Variants in PDIA4 observed in about 807,000 individuals in gnomAD.
PDIA4 encodes protein disulfide isomerase family A member 4, also known as protein disulfide-isomerase A4.
PDIA4 carries 33 observed loss-of-function variants against 62.1 expected under a neutral mutation model. That is an observed-to-expected ratio of 0.53 (90% CI 0.40 to 0.71). The LOEUF (loss-of-function observed/expected upper bound fraction) is 0.71, where lower values mean the gene tolerates loss of function less well. Ranked by LOEUF, PDIA4 falls within the 30% of genes least tolerant of loss-of-function variation. PDIA4 has a pLI of 0.00. For synonymous variants in PDIA4, 341 were observed against 324.1 expected (o/e 1.05, Z -0.56); for missense variants, 804 against 813.6 (o/e 0.99, Z 0.14).
At chr7:149,021,531 C>CA (rs1167317702) in intron 1 of PDIA4, among the ~76,000 whole-genome samples, 1 of 148,350 alleles carries the variant, frequency 6.7e-6, no homozygotes, top group Non-Finnish European at 1.5e-5. Context: ...AATTCATACA[C>CA]TTCAGAATGT....
At position 149,005,168 on chromosome 7, in the gene PDIA4, G is replaced by A. The variant is rs149417686; in HGVS notation, c.1495C>T (p.Arg499Cys). 95 of 1,613,534 alleles carry A rather than the reference G, an allele frequency of 5.9e-5. No homozygotes were observed. Among genetic ancestry groups the A allele is most frequent in the Non-Finnish European group, 7.0e-5 (82 of 1,179,634 alleles). ...EPEEFDSDTLREFVTAFKKGK... is the reference protein window; with the variant it reads ...EPEEFDSDTLCEFVTAFKKGK... ...TTTTTGAAAGCAGTGACAAACTCGCGGAGGGTGTCAGAGTCAAACTCCTCT... is the reference window on the plus strand; with the variant it reads ...TTTTTGAAAGCAGTGACAAACTCGCAGAGGGTGTCAGAGTCAAACTCCTCT... The change falls in exon 9 of 10, where the codon CGC becomes TGC. Residue 499 changes from arginine (R) to cysteine (C), a missense_variant. By Grantham distance (180) the Arg-to-Cys change is radical. Coordinates refer to ENST00000652332, the MANE Select transcript of PDIA4 (RefSeq NM_004911.5).
At chr7:149,027,963 G>T (rs1445350151) in intron 1 of PDIA4, 2 of 510,212 alleles carry the variant, frequency 3.9e-6, no homozygotes, top group Non-Finnish European at 7.9e-6. Context: ...GGGCGCGTTC[G>T]CCTGGAGTTA....
intron 3 of PDIA4, among the ~76,000 whole-genome samples, chr7:149,018,709 G>A (rs10233535): frequency 0.014 from 2,190 of 152,032 alleles, 51 homozygotes; most frequent in African/African-American, 0.05. Context: ...TGGGGTTACA[G>A]GTGTGAGCCA....
intron 1 of PDIA4, among the ~76,000 whole-genome samples, chr7:149,025,262 C>T (rs1224475973): frequency 1.3e-5 from 2 of 151,982 alleles, no homozygotes; most frequent in Non-Finnish European, 2.9e-5. Flanking sequence ...GCCTCAATCC[C>T]TGTCCACTCC....
At chr7:149,006,077 A>AG in intron 7 of PDIA4, 24 bp from the exon 8 acceptor site, 1 of 1,537,486 alleles carries the variant, frequency 6.5e-7, no homozygotes. Context: ...GGAACAGGTG[A>AG]GGGGGCCCAC....
chr7:149,003,770 C>T lies in PDIA4; in HGVS notation c.*24G>A. ...GGCCACGCAGGGCGTCTGCCTCCTC[C>T]CACCTTCCGCAGACCTCAGGCCTTC... On this transcript the variant is annotated 3_prime_UTR_variant, in exon 10 of 10. Transcript: ENST00000652332. The T allele has an allele frequency of 6.7e-7, 1 of 1,491,692 alleles. No homozygotes were observed. The highest frequency in any genetic ancestry group is 8.9e-7 in the Non-Finnish European group (1 of 1,120,922). The allele number at this position is 1,491,692 out of a possible 1,614,324, so 92.4% of individuals were successfully genotyped here.
In PDIA4 at chr7:149,012,196, T is replaced by C. The variant is rs752950039; in HGVS notation, c.779A>G (p.Lys260Arg). 2.9e-5 allele frequency: 47 copies of C among 1,613,962 alleles called. No individual in the cohort carries two copies. The highest frequency in any genetic ancestry group is 1.6e-4 in the Middle Eastern group (1 of 6,084). ...GCCGTTGTAGTCATAAGGCCTTCCT[T>C]TGCGGAAAATTTTCAGGGTGGGATA... ...SGYPTLKIFR[K>R]GRPYDYNGPR... The change falls in exon 5 of 10, where the codon AAA becomes AGA. Residue 260 changes from lysine (K) to arginine (R), a missense_variant. Coordinates refer to ENST00000652332, the MANE Select transcript of PDIA4 (RefSeq NM_004911.5).
At chr7:149,009,622 A>ACC (rs1823876985) in intron 6 of PDIA4, among the ~76,000 whole-genome samples, 1 of 152,226 alleles carries the variant, frequency 6.6e-6, no homozygotes, top group Non-Finnish European at 1.5e-5. Context: ...AGGGCACCCT[A>ACC]CCACAGGGCT....
At chr7:149,023,269 C>T (rs1824418939) in intron 1 of PDIA4, among the ~76,000 whole-genome samples, 1 of 152,158 alleles carries the variant, frequency 6.6e-6, no homozygotes, top group Non-Finnish European at 1.5e-5. Flanking sequence ...TCTGGTCTCC[C>T]TTTTCAGATC....
In PDIA4 at chr7:149,019,054, G is replaced by A; in HGVS notation, c.413C>T (p.Pro138Leu). ...CCCCTTCTTAAGGATCTTGATGGTG[G>A]GGTAGCCACTCACATCAAACCTGCT... ...LASRFDVSGY[P>L]TIKILKKGQA... is the part of the protein sequence containing the mutation. The change falls in exon 3 of 10, where the codon CCC becomes CTC. Residue 138 changes from proline (P) to leucine (L), a missense_variant. By Grantham distance (98) the Pro-to-Leu change is moderately conservative. Coordinates refer to ENST00000652332, the MANE Select transcript of PDIA4 (RefSeq NM_004911.5). The A allele has an allele frequency of 1.2e-6, 2 of 1,613,698 alleles. No individual in the cohort carries two copies. Among genetic ancestry groups the A allele is most frequent in the Non-Finnish European group, 8.5e-7 (1 of 1,179,960 alleles).
Position 149,028,325 on chromosome 7 carries a change from G to C in PDIA4, c.84C>G (p.Asp28Glu), listed in dbSNP as rs368592590. The C allele has an allele frequency of 6.6e-7, 1 of 1,520,594 alleles. No individual in the cohort carries two copies. Among genetic ancestry groups the C allele is most frequent in the African/African-American group, 1.4e-5 (1 of 69,452 alleles). 94.2% of individuals were successfully genotyped at this position (1,520,594 alleles called of 1,614,324 possible). Reference sequence around the variant, plus strand: ...CGCGGCGCGCTTGCCGCTCACCCTCGTCCGGGCCCTCGGCACCCGCCACGG... The same window carrying C: ...CGCGGCGCGCTTGCCGCTCACCCTCCTCCGGGCCCTCGGCACCCGCCACGG... Reference protein sequence around the residue: ...LLAVAGAEGPDEDSSNRENAI... With the variant: ...LLAVAGAEGPEEDSSNRENAI... The change falls in exon 1 of 10, where the codon GAC (aspartate) becomes GAG (glutamate). Residue 28 changes from aspartate (D) to glutamate (E), a missense_variant. By Grantham distance (45) the Asp-to-Glu change is conservative. Transcript: ENST00000652332.
rs1824637821 is a variant in PDIA4 at position 149,028,430 on chromosome 7, C to T, written c.-22G>A. 1 of 1,452,986 alleles carries T rather than the reference C, an allele frequency of 6.9e-7. No homozygotes were observed. The highest frequency in any genetic ancestry group is 9.1e-7 in the Non-Finnish European group (1 of 1,098,070). 90.0% of individuals were successfully genotyped at this position (1,452,986 alleles called of 1,614,324 possible). ...TCATGGTAGCGGGGGCGGAGCGCGGCCTCCTAGCGTCGGCGGCCGCTGAGC... is the reference window on the plus strand; with the variant it reads ...TCATGGTAGCGGGGGCGGAGCGCGGTCTCCTAGCGTCGGCGGCCGCTGAGC... On this transcript the variant is annotated 5_prime_UTR_variant, in exon 1 of 10. Transcript: ENST00000652332.
rs1004628078 is a variant in PDIA4 at position 149,005,742 on chromosome 7, A to C, written c.1288+155T>G. 1.8e-4 allele frequency among the ~76,000 whole-genome samples: 27 copies of C among 152,196 alleles called. 1 individual carries two copies. Among genetic ancestry groups the C allele is most frequent in the African/African-American group, 5.1e-4 (21 of 41,452 alleles). ...TAAAAAGGGAAGCCATCAATTAAAA[A>C]ATATACCTGAGCCACCAACGTGCAA... On this transcript the variant is annotated intron_variant, in intron 8 of 9. Coordinates refer to ENST00000652332, the MANE Select transcript of PDIA4 (RefSeq NM_004911.5).
In PDIA4 at chr7:149,003,556, A is replaced by G. The variant is rs569030856; in HGVS notation, c.*238T>C. On this transcript the variant is annotated 3_prime_UTR_variant, in exon 10 of 10. Transcript: ENST00000652332. The stretch of plus-strand genomic sequence containing the variant: ...AGAAGGTGTAAAAAAAAATTTTTCA[A>G]ACCCCAAATAATGATAAAAATAGAT... 3.5e-5 allele frequency: 13 copies of G among 376,506 alleles called. No homozygotes were observed. Among genetic ancestry groups the G allele is most frequent in the Non-Finnish European group, 6.1e-5 (13 of 213,796 alleles). 23.3% of individuals were successfully genotyped at this position (376,506 alleles called of 1,614,324 possible).
chr7:149,021,091 C>T lies in PDIA4; in HGVS notation c.145G>A (p.Asp49Asn), dbSNP rs758684562. The T allele has an allele frequency of 1.2e-6, 2 of 1,612,616 alleles. No individual in the cohort carries two copies. Among genetic ancestry groups the T allele is most frequent in the South Asian group, 2.2e-5 (2 of 90,876 alleles). ...TCCAAGTCGTCTTCTTCCTCATCAT[C>T]ATCTTCCTCCTCCTCCTCCTCTTCA... The part of the protein sequence containing the change: ...EDEEEEEEED[D>N]DEEEDDLEVK... The change falls in exon 2 of 10, where the codon GAT becomes AAT. Residue 49 changes from aspartate to asparagine, a missense_variant. Coordinates refer to ENST00000652332, the MANE Select transcript of PDIA4 (RefSeq NM_004911.5).
rs191796208 is a variant in PDIA4, at chr7:149,018,729, G to A, written c.475+263C>T. Among the ~76,000 whole-genome samples the A allele has an allele frequency of 1.6e-3, 239 of 152,100 alleles. 1 individual carries two copies. The highest frequency in any genetic ancestry group is 5.6e-3 in the African/African-American group (234 of 41,460). ...TTACAGGTGTGAGCCACCATGTCTG[G>A]CCCATTTCCTAACACTCCTGCCCAT... On this transcript the variant is annotated intron_variant, in intron 3 of 9. Coordinates refer to ENST00000652332, the MANE Select transcript of PDIA4 (RefSeq NM_004911.5).
rs750623866 is a variant in PDIA4 at position 149,003,987 on chromosome 7, T to C, written c.1745A>G (p.Lys582Arg). 3.7e-6 allele frequency: 6 copies of C among 1,613,684 alleles called. No homozygotes were observed. Among genetic ancestry groups the C allele is most frequent in the Non-Finnish European group, 5.1e-6 (6 of 1,179,692 alleles). The change falls in exon 10 of 10, where the codon AAG becomes AGG. Residue 582 changes from lysine to arginine, a missense_variant. Transcript: ENST00000652332. ...GACGTCGTTGGCAGTGGCGTCCATC[T>C]TGGCGATGACCAGGCCCTTTTGGCC... Reference protein sequence around the residue: ...YKGQKGLVIAKMDATANDVPS... With the variant: ...YKGQKGLVIARMDATANDVPS...
At chr7:149,021,424 G>A (rs1393363500) in intron 1 of PDIA4, among the ~76,000 whole-genome samples, 1 of 147,038 alleles carries the variant, frequency 6.8e-6, no homozygotes, top group African/African-American at 2.5e-5. Context: ...GGGAGGCGGA[G>A]GTTACAGTGA....
intron 4 of PDIA4, among the ~76,000 whole-genome samples, chr7:149,013,118 G>GGCGCCT (rs1301671108): frequency 1.3e-5 from 2 of 152,094 alleles, no homozygotes; most frequent in Non-Finnish European, 2.9e-5. Context: ...CATGGTGGTG[G>GGCGCCT]GCGCCTGTAA....
Sources: allele counts gnomAD v4.1 joint callset (sites outside exome capture counted in the v4.1 genomes callset), GRCh38; gene constraint gnomAD v4.1.1; transcripts MANE v1.5; gene names NCBI Gene and HGNC (gene_info 2026-07-23, HGNC 2026-07-21).